The following SYNE3 variants were observed in gnomAD, a reference collection of about 807,000 sequenced individuals.
SYNE3 encodes the protein spectrin repeat containing nuclear envelope family member 3, also known as nesprin-3.
SYNE3 carries 100 observed loss-of-function variants against 111.2 expected under a neutral mutation model. The observed-to-expected ratio is 0.90, with a 90% CI of 0.77 to 1.06. The LOEUF is 1.06. SYNE3 is among the 50% of genes least tolerant of loss of function. The probability of loss-of-function intolerance (pLI) is 0.00; values close to 1 mark genes in which losing one functional copy is unlikely to be tolerated. For synonymous variants in SYNE3, 547 were observed against 533.9 expected, an observed-to-expected ratio of 1.02 and a Z score of -0.34; for missense variants, 1,160 against 1,240.3, an observed-to-expected ratio of 0.94 and a Z score of 0.97.
rs12889490 is a variant in SYNE3, at chr14:95,413,118, C to T, written c.*4708G>A. On this transcript the variant is annotated 3_prime_UTR_variant, in exon 18 of 18. Transcript: ENST00000682763. ...AGAGGAAAGTTGGGAACCATGAAGG[C>T]ACAGCCTGCCATTCCCATTCTCTTT... The T allele has an allele frequency of 0.72, 108,374 of 151,152 alleles. 39,116 individuals are homozygous for T. Among genetic ancestry groups the T allele is most frequent in the Non-Finnish European group, 0.76 (51,620 of 67,928 alleles). The allele number at this position is 151,152 out of a possible 1,614,324, so 9.4% of individuals were successfully genotyped here.
At chr14:95,449,881 C>T in intron 8 of SYNE3, 50 bp downstream of exon 8, 2 of 1,533,112 alleles carry the variant, frequency 1.3e-6, no homozygotes, top group Non-Finnish European at 1.8e-6. Context: ...AACACCATGC[C>T]CCGCCAGTGG....
chr14:95,460,073 C>T (rs55795323), intron 4 of SYNE3, among the ~76,000 whole-genome samples: 89,406 of 152,002 alleles, frequency 0.59, 26,770 homozygotes, highest in African/African-American at 0.7. Flanking sequence ...CTCCAGCCTA[C>T]CTCACCTGAC....
intron 1 of SYNE3, among the ~76,000 whole-genome samples, chr14:95,476,358 C>A (rs181204289): frequency 6.6e-6 from 1 of 152,372 alleles, no homozygotes; most frequent in East Asian, 1.9e-4. Context: ...CCCCACCACT[C>A]CACCAACCTG....
intron 17 of SYNE3, among the ~76,000 whole-genome samples, chr14:95,425,147 G>A (rs1467947689): frequency 6.6e-6 from 1 of 152,104 alleles, no homozygotes; most frequent in African/African-American, 2.4e-5. Flanking sequence ...TCAGGGGGCT[G>A]GGGCAGGAGA....
chr14:95,493,359 G>A (rs1407218908), intron 1 of SYNE3, among the ~76,000 whole-genome samples: 8 of 152,132 alleles, frequency 5.3e-5, no homozygotes, highest in Non-Finnish European at 8.8e-5. Flanking sequence ...CAGAGATAAG[G>A]AAACTGAGGC....
Position 95,419,217 on chromosome 14 carries a change from G to A in SYNE3, c.2728-1191C>T, listed in dbSNP as rs557976133. 2.6e-4 allele frequency among the ~76,000 whole-genome samples: 40 copies of A among 152,278 alleles called. 1 individual carries two copies. Among genetic ancestry groups the A allele is most frequent in the Middle Eastern group, 3.4e-3 (1 of 292 alleles). On this transcript the variant is annotated intron_variant, in intron 17 of 17. Transcript: ENST00000682763. ...GTCAAGATGCTGCAGAGTGCAGGAC[G>A]AGCCCAGCTTTTAGGATCCTAGCAG...
At chr14:95,464,175 C>A (rs1014331700) in intron 4 of SYNE3, among the ~76,000 whole-genome samples, 8 of 152,214 alleles carry the variant, frequency 5.3e-5, no homozygotes, top group Non-Finnish European at 1.0e-4. Flanking sequence ...ACTAGAGAGC[C>A]AGAAATGCCA....
Position 95,411,885 on chromosome 14 carries a change from G to GTC in SYNE3, c.*5940_*5941insGA, listed in dbSNP as rs1197528801. 2 of 152,484 alleles carry GTC rather than the reference G, an allele frequency of 1.3e-5. No homozygotes were observed. The highest frequency in any genetic ancestry group is 4.1e-4 in the South Asian group (2 of 4,830). The allele number at this position is 152,484 out of a possible 1,614,324, so 9.4% of individuals were successfully genotyped here. On this transcript the variant is annotated 3_prime_UTR_variant, in exon 18 of 18. Coordinates refer to ENST00000682763, the MANE Select transcript of SYNE3 (RefSeq NM_152592.6). ...GACACGCCAACCCAGATGATCCCCA[G>GTC]TGGGGAAAAGTGGGCTTCTCAGTTT...
rs533116132 is a variant in SYNE3, at chr14:95,497,468, C to G, written c.-15+19128G>C. On this transcript the variant is annotated intron_variant, in intron 1 of 17. Transcript: ENST00000682763. ...TCCCGAGGGGAGAAAAAAAAAGATGCAATATAACAGTCCAGCAAGGAAAGT... is the reference window on the plus strand; with the variant it reads ...TCCCGAGGGGAGAAAAAAAAAGATGGAATATAACAGTCCAGCAAGGAAAGT... Among the ~76,000 whole-genome samples, 8 of 152,018 alleles carry G rather than the reference C, an allele frequency of 5.3e-5. 1 individual carries two copies. In the South Asian group the frequency reaches 1.7e-3, roughly 32 times the overall value.
chr14:95,469,048 A>T (rs1888363644), intron 2 of SYNE3, among the ~76,000 whole-genome samples: 1 of 152,206 alleles, frequency 6.6e-6, no homozygotes, highest in Non-Finnish European at 1.5e-5. Context: ...CACGCTGCCC[A>T]GCCCACACCG....
chr14:95,428,349 C>T (rs992052866), intron 17 of SYNE3, among the ~76,000 whole-genome samples: 2 of 152,084 alleles, frequency 1.3e-5, no homozygotes, highest in Admixed American at 6.5e-5. Context: ...TTGGGGGTGA[C>T]GGGCAGTAAA....
chr14:95,420,753 T>TACACAC (rs1199508793), intron 17 of SYNE3, among the ~76,000 whole-genome samples: 1 of 151,802 alleles, frequency 6.6e-6, no homozygotes, highest in African/African-American at 2.4e-5. Flanking sequence ...GACACACACA[T>TACACAC]ACACACAACC....
At chr14:95,464,216 A>C (rs1216215934) in intron 4 of SYNE3, among the ~76,000 whole-genome samples, 2 of 152,236 alleles carry the variant, frequency 1.3e-5, no homozygotes, top group African/African-American at 4.8e-5. Flanking sequence ...ACACCGTTTC[A>C]ATGCAGACCC....
Position 95,495,646 on chromosome 14 carries a change from GCACCAAGT to G in SYNE3, c.-14-19819_-14-19812del, listed in dbSNP as rs199678996. 9.9e-3 allele frequency among the ~76,000 whole-genome samples: 1,514 copies of G among 152,322 alleles called. 26 individuals carry two copies. The highest frequency in any genetic ancestry group is 0.035 in the African/African-American group (1,446 of 41,546). On this transcript the variant is annotated intron_variant, in intron 1 of 17. Transcript: ENST00000682763. ...CTGCCCACGTCAGACAGTGACTGAG[GCACCAAGT>G]CAGAAGCAAGGCCAGGCCTGCATGG...
intron 1 of SYNE3, among the ~76,000 whole-genome samples, chr14:95,510,423 C>T (rs1890680826): frequency 6.6e-6 from 1 of 152,160 alleles, no homozygotes; most frequent in Non-Finnish European, 1.5e-5. Flanking sequence ...CTCTTTGAGC[C>T]CTGTTGTCTG....
chr14:95,459,809 C>A (rs1364457957), intron 4 of SYNE3, among the ~76,000 whole-genome samples: 2 of 152,104 alleles, frequency 1.3e-5, no homozygotes, highest in African/African-American at 4.8e-5. Context: ...CTGAGAAGTT[C>A]TCTCAAGGCT....
intron 2 of SYNE3, among the ~76,000 whole-genome samples, chr14:95,471,636 A>G (rs1201808113): frequency 6.6e-6 from 1 of 152,214 alleles, no homozygotes; most frequent in Non-Finnish European, 1.5e-5. Context: ...AATTTTGAGA[A>G]GTAGATTCCA....
Position 95,485,604 on chromosome 14 carries a change from C to T in SYNE3, c.-14-9769G>A, listed in dbSNP as rs1037923915. ...CTCCCAGGAATGCCGAAATGCTCAGCGTTTTTTTCCCTCTGCCCTCACCAG... is the reference window on the plus strand; with the variant it reads ...CTCCCAGGAATGCCGAAATGCTCAGTGTTTTTTTCCCTCTGCCCTCACCAG... On this transcript the variant is annotated intron_variant, in intron 1 of 17. Transcript: ENST00000682763. This position sits in a 1 kb window ranked among gnomAD's most constrained non-coding sequence, Gnocchi z 4.3. Among the ~76,000 whole-genome samples, 2 of 152,056 alleles carry T rather than the reference C, an allele frequency of 1.3e-5. No individual in the cohort carries two copies. The highest frequency in any genetic ancestry group is 2.9e-5 in the Non-Finnish European group (2 of 67,984).
At chr14:95,441,676 C>T (rs541095757) in intron 11 of SYNE3, among the ~76,000 whole-genome samples, 1 of 152,318 alleles carries the variant, frequency 6.6e-6, no homozygotes, top group East Asian at 1.9e-4. Context: ...TCTATGGGCT[C>T]CTGAGGAGTG....
Sources: gnomAD v4.1 joint callset for allele counts (sites outside exome capture counted in the v4.1 genomes callset) on GRCh38, gnomAD v4.1.1 for gene constraint, Gnocchi (gnomAD v3.1) non-coding constraint, MANE v1.5 for transcripts, NCBI Gene and HGNC (gene_info 2026-07-23, HGNC 2026-07-21) for gene names.